PPA2: variants seen among roughly 807,000 people sequenced by gnomAD.
PPA2 encodes the protein inorganic pyrophosphatase 2, also known as inorganic pyrophosphatase 2, mitochondrial.
Under a neutral mutation model 49.5 loss-of-function variants are expected in PPA2, and 48 were observed. The observed-to-expected ratio is 0.97, with a 90% CI of 0.77 to 1.23. The LOEUF is 1.23. Among genes scored for constraint, PPA2 ranks in the 50% most tolerant of loss-of-function variants. The probability of loss-of-function intolerance (pLI) is 0.00; values close to 1 mark genes in which losing one functional copy is unlikely to be tolerated. For missense variants in PPA2, 429 were observed against 410.1 expected (o/e 1.05, Z -0.40); for synonymous variants, 131 against 139.9 (o/e 0.94, Z 0.45).
intron 9 of PPA2, 109 bp downstream of exon 9, chr4:105,396,140 C>T (rs778489196): frequency 5.0e-6 from 3 of 597,780 alleles, no homozygotes; most frequent in Non-Finnish European, 8.5e-6. Context: ...GGTAGATAAT[C>T]TGTATTGTTT....
chr4:105,464,630 T>C (rs142367068), intron 1 of PPA2, among the ~76,000 whole-genome samples: 451 of 152,250 alleles, frequency 3.0e-3, no homozygotes, highest in African/African-American at 0.01. Context: ...TGGTGGGAGA[T>C]AATTGAATCA....
At chr4:105,378,087 G>T (rs1034277797) in intron 10 of PPA2, among the ~76,000 whole-genome samples, 1 of 152,128 alleles carries the variant, frequency 6.6e-6, no homozygotes, top group African/African-American at 2.4e-5. Context: ...TGGATCACAT[G>T]ATATGTATAC....
chr4:105,400,800 C>T (rs1185793621), intron 7 of PPA2, among the ~76,000 whole-genome samples: 1 of 152,028 alleles, frequency 6.6e-6, no homozygotes, highest in East Asian at 1.9e-4. Flanking sequence ...TAATATCTAC[C>T]TCAGTCTAGG....
At chr4:105,394,730 C>CTA (rs781708108) in intron 9 of PPA2, among the ~76,000 whole-genome samples, 14 of 152,030 alleles carry the variant, frequency 9.2e-5, no homozygotes, top group Non-Finnish European at 1.6e-4. Context: ...TGAGTTCAAG[C>CTA]TATATATATA....
At chr4:105,418,202 T>C (rs1393778626) in intron 7 of PPA2, among the ~76,000 whole-genome samples, 1 of 152,222 alleles carries the variant, frequency 6.6e-6, no homozygotes, top group African/African-American at 2.4e-5. Flanking sequence ...CACACACAAA[T>C]TGAACTCTAT....
At position 105,474,007 on chromosome 4, in the gene PPA2, G is replaced by C. The variant is rs1291053293; in HGVS notation, c.44C>G (p.Ala15Gly). The change falls in exon 1 of 12, where the codon GCT becomes GGT. Residue 15 changes from alanine to glycine, a missense_variant. Ala to Gly is a moderately conservative substitution (Grantham distance 60). Transcript: ENST00000341695. ...ACTGGTCCCCAACCGCAGGCACGCA[G>C]CGGCTGGGGCACCCGTGCGCAGCAG... is the stretch of plus-strand genomic sequence containing the variant. ...LRLLRTGAPA[A>G]ACLRLGTSAG... The C allele has an allele frequency of 1.2e-6, 2 of 1,604,426 alleles. No homozygotes were observed. The highest frequency in any genetic ancestry group is 2.2e-5 in the South Asian group (2 of 90,160).
rs189389454 is a variant in PPA2, at chr4:105,413,361, C to A, written c.655+10835G>T. 2.7e-4 allele frequency among the ~76,000 whole-genome samples: 41 copies of A among 152,078 alleles called. No homozygotes were observed. The East Asian group carries it at 7.9e-3, about 29-fold the overall frequency. On this transcript the variant is annotated intron_variant, in intron 7 of 11. Transcript: ENST00000341695. The stretch of plus-strand genomic sequence containing the variant: ...GGAGGGATAGTATTAGGAGAAATAC[C>A]TAATGTAAATGACGAGTTGATGGGT...
chr4:105,382,904 G>A (rs1305451531), intron 10 of PPA2, among the ~76,000 whole-genome samples: 1 of 152,078 alleles, frequency 6.6e-6, no homozygotes, highest in Non-Finnish European at 1.5e-5. Flanking sequence ...GGGAGGATGA[G>A]GTGGGAGGAT....
At chr4:105,461,461 A>T (rs527490753) in intron 1 of PPA2, among the ~76,000 whole-genome samples, 15 of 152,342 alleles carry the variant, frequency 9.8e-5, no homozygotes, top group African/African-American at 3.6e-4. Flanking sequence ...GGCAGCAGTC[A>T]GACTTTCGGT....
chr4:105,469,893 T>C (rs1723451914), intron 1 of PPA2, among the ~76,000 whole-genome samples: 1 of 152,202 alleles, frequency 6.6e-6, no homozygotes. Flanking sequence ...AGTCCAAAGA[T>C]ACAGCACTTT....
At chr4:105,445,542 G>A (rs1722341511) in intron 5 of PPA2, among the ~76,000 whole-genome samples, 1 of 151,938 alleles carries the variant, frequency 6.6e-6, no homozygotes, top group Non-Finnish European at 1.5e-5. Context: ...GCTTTTTCAT[G>A]TTGGATAAAA....
intron 7 of PPA2, chr4:105,407,206 C>T (rs924508567): frequency 6.6e-6 from 1 of 151,884 alleles, no homozygotes; most frequent in Non-Finnish European, 1.5e-5. Context: ...TACAGATCTT[C>T]AGGAAGAAAC....
chr4:105,402,389 G>T (rs1235185712), intron 7 of PPA2, among the ~76,000 whole-genome samples: 1 of 152,230 alleles, frequency 6.6e-6, no homozygotes, highest in Non-Finnish European at 1.5e-5. Context: ...TGAGAGGTCA[G>T]GGATATCCTC....
intron 7 of PPA2, among the ~76,000 whole-genome samples, chr4:105,412,901 C>A (rs1470124591): frequency 6.6e-6 from 1 of 152,164 alleles, no homozygotes; most frequent in Non-Finnish European, 1.5e-5. Flanking sequence ...TAAATTAGTT[C>A]AACCATTGCA....
At chr4:105,409,836 AAACT>A (rs1027122686) in intron 7 of PPA2, among the ~76,000 whole-genome samples, 1 of 152,246 alleles carries the variant, frequency 6.6e-6, no homozygotes, top group African/African-American at 2.4e-5. Flanking sequence ...GTTAGAAGGA[AAACT>A]AACTAACAGA....
intron 1 of PPA2, 48 bp downstream of exon 1, chr4:105,473,846 C>G: frequency 6.4e-7 from 1 of 1,563,816 alleles, no homozygotes; most frequent in Non-Finnish European, 8.7e-7. Flanking sequence ...CATCCCCCAC[C>G]CAGGTTTCTC....
chr4:105,469,947 C>A (rs1288638520), intron 1 of PPA2, among the ~76,000 whole-genome samples: 1 of 152,126 alleles, frequency 6.6e-6, no homozygotes, highest in Non-Finnish European at 1.5e-5. Context: ...TAAAGAAAAC[C>A]TACAGTAATT....
intron 1 of PPA2, chr4:105,473,643 A>AC (rs762485352): frequency 6.9e-6 from 5 of 727,322 alleles, no homozygotes; most frequent in African/African-American, 5.2e-5. Context: ...GGCGCTATCT[A>AC]CCCCCCAGCC....
intron 7 of PPA2, among the ~76,000 whole-genome samples, chr4:105,403,961 C>T (rs1439251351): frequency 2.0e-4 from 30 of 151,344 alleles, no homozygotes; most frequent in Admixed American, 1.9e-3. Context: ...TTTCTAATCA[C>T]ATGAGTTTGC....
Sources: gnomAD v4.1 joint callset for allele counts (sites outside exome capture counted in the v4.1 genomes callset) on GRCh38, gnomAD v4.1.1 for gene constraint, MANE v1.5 for transcripts, NCBI Gene and HGNC (gene_info 2026-07-23, HGNC 2026-07-21) for gene names.